MICU1: variants seen among roughly 807,000 people sequenced by gnomAD.
MICU1 encodes the protein mitochondrial calcium uptake 1.
A neutral mutation model predicts 56.8 loss-of-function variants in MICU1; 45 were observed. The ratio of observed to expected loss-of-function variants is 0.79; its 90% confidence interval spans 0.62 to 1.02. The LOEUF is 1.02. Ranked by LOEUF, MICU1 falls within the 50% of genes least tolerant of loss-of-function variation. The pLI is 0.00. For synonymous variants in MICU1, 186 were observed against 195.1 expected, an observed-to-expected ratio of 0.95 and a Z score of 0.39; for missense variants, 504 against 587.1, an observed-to-expected ratio of 0.86 and a Z score of 1.46.
chr10:72,551,314 C>A lies in MICU1; in HGVS notation c.358G>T (p.Ala120Ser), dbSNP rs1293747409. Residue 120 changes from alanine (A) to serine (S), a missense_variant, in exon 4 of 12, where the codon GCC becomes TCC. Physicochemically the swap from Ala to Ser is moderately conservative, Grantham distance 99 (BLOSUM62 1). Transcript: ENST00000361114. ...KVMEYENRIR[A>S]YSTPDKIFRY... ...AAGATTTTGTCTGGCGTGGAGTAGG[C>A]TCGAATCCTATTCTCATATTCCATC... The A allele has an allele frequency of 6.2e-7, 1 of 1,611,312 alleles. No homozygotes were observed. The highest frequency in any genetic ancestry group is 1.1e-5 in the South Asian group (1 of 90,618).
At chr10:72,432,596 G>A (rs1864576556) in intron 8 of MICU1, among the ~76,000 whole-genome samples, 1 of 152,216 alleles carries the variant, frequency 6.6e-6, no homozygotes, top group South Asian at 2.1e-4. Flanking sequence ...AGACATGGTG[G>A]AAGTTGAAGT....
intron 8 of MICU1, among the ~76,000 whole-genome samples, chr10:72,438,212 T>A (rs1170793806): frequency 6.6e-6 from 1 of 152,090 alleles, no homozygotes; most frequent in African/African-American, 2.4e-5. Context: ...CAGACCACAG[T>A]GCAATCAAAT....
intron 3 of MICU1, among the ~76,000 whole-genome samples, chr10:72,554,514 T>C (rs917880907): frequency 1.3e-5 from 2 of 152,202 alleles, no homozygotes; most frequent in Non-Finnish European, 2.9e-5. Flanking sequence ...GGAAACTTTA[T>C]GGGCTAAATG....
rs1862209563 is a variant in MICU1 at position 72,368,203 on chromosome 10, T to C, written c.1423A>G (p.Lys475Glu). ...CCTCTTGCAGTGTGGGGTTACTGTTTGGGTAAAGCGAAGTCCCAGGCAGTT... is the reference window on the plus strand; with the variant it reads ...CCTCTTGCAGTGTGGGGTTACTGTTCGGGTAAAGCGAAGTCCCAGGCAGTT... ...QETAWDFALP[K>E]Q The change falls in exon 12 of 12, where the codon AAA becomes GAA. Residue 475 changes from lysine (K) to glutamate (E), a missense_variant. Physicochemically the swap from Lys to Glu is moderately conservative, Grantham distance 56 (BLOSUM62 1). Coordinates refer to ENST00000361114, the MANE Select transcript of MICU1 (RefSeq NM_001195518.2). The C allele has an allele frequency of 6.2e-7, 1 of 1,612,350 alleles. No homozygotes were observed. The highest frequency in any genetic ancestry group is 8.5e-7 in the Non-Finnish European group (1 of 1,179,224).
chr10:72,504,281 A>G (rs984668907), intron 6 of MICU1, among the ~76,000 whole-genome samples: 1 of 152,208 alleles, frequency 6.6e-6, no homozygotes, highest in African/African-American at 2.4e-5. Flanking sequence ...AAACAGACAC[A>G]TAGACCAATG....
At chr10:72,458,562 G>A (rs1156529735) in intron 8 of MICU1, among the ~76,000 whole-genome samples, 1 of 152,138 alleles carries the variant, frequency 6.6e-6, no homozygotes, top group East Asian at 1.9e-4. Flanking sequence ...TTTCTGGAAG[G>A]CTTTCAAACT....
chr10:72,492,469 A>T (rs1227180190), intron 6 of MICU1, among the ~76,000 whole-genome samples: 1 of 152,162 alleles, frequency 6.6e-6, no homozygotes, highest in Non-Finnish European at 1.5e-5. Flanking sequence ...GATTATTTTT[A>T]AAATGCATAT....
At chr10:72,499,810 T>C (rs2132323871) in intron 6 of MICU1, among the ~76,000 whole-genome samples, 1 of 152,266 alleles carries the variant, frequency 6.6e-6, no homozygotes, top group Non-Finnish European at 1.5e-5. Context: ...CATCTAAAAC[T>C]TTTATAACAT....
At chr10:72,447,552 T>C (rs1304222716) in intron 8 of MICU1, among the ~76,000 whole-genome samples, 1 of 152,220 alleles carries the variant, frequency 6.6e-6, no homozygotes, top group East Asian at 1.9e-4. Flanking sequence ...AATTATATGT[T>C]AAACTGCTAG....
intron 1 of MICU1, among the ~76,000 whole-genome samples, chr10:72,597,250 A>G (rs1041142919): frequency 1.3e-5 from 2 of 152,214 alleles, no homozygotes; most frequent in Non-Finnish European, 2.9e-5. Context: ...TGCTCACACT[A>G]TTCTCCAAAA....
intron 5 of MICU1, among the ~76,000 whole-genome samples, chr10:72,516,445 C>A (rs565779048): frequency 3.9e-5 from 6 of 152,108 alleles, no homozygotes; most frequent in Non-Finnish European, 8.8e-5. Flanking sequence ...TTAATTGGAT[C>A]CTATTTGTCA....
intron 6 of MICU1, among the ~76,000 whole-genome samples, chr10:72,504,904 T>C (rs1296131929): frequency 6.6e-6 from 1 of 151,966 alleles, no homozygotes; most frequent in Non-Finnish European, 1.5e-5. Context: ...ATCAGAGAAA[T>C]GCAAATCAAA....
intron 10 of MICU1, among the ~76,000 whole-genome samples, chr10:72,389,362 T>C (rs1862994095): frequency 6.6e-6 from 1 of 152,222 alleles, no homozygotes. Context: ...CTGCCATCCT[T>C]GTCCCTCCAG....
At chr10:72,514,973 T>G (rs1243210330) in intron 5 of MICU1, among the ~76,000 whole-genome samples, 1 of 152,214 alleles carries the variant, frequency 6.6e-6, no homozygotes, top group Non-Finnish European at 1.5e-5. Flanking sequence ...TAAATCTTTC[T>G]GACAAATGCT....
At chr10:72,561,246 G>A (rs1840287823) in intron 3 of MICU1, among the ~76,000 whole-genome samples, 1 of 152,194 alleles carries the variant, frequency 6.6e-6, no homozygotes, top group Non-Finnish European at 1.5e-5. Context: ...TGAGCAGAAG[G>A]CAGGAGTAGA....
At chr10:72,512,268 G>A (rs1476522520) in intron 5 of MICU1, among the ~76,000 whole-genome samples, 2 of 151,718 alleles carry the variant, frequency 1.3e-5, no homozygotes, top group African/African-American at 2.4e-5. Flanking sequence ...CCGCCACCAC[G>A]TCTGGCTAAT....
At chr10:72,492,204 T>TG (rs1564899673) in intron 6 of MICU1, among the ~76,000 whole-genome samples, 1 of 152,112 alleles carries the variant, frequency 6.6e-6, no homozygotes, top group Non-Finnish European at 1.5e-5. Context: ...TGGAAGTCTT[T>TG]GGGGGATTTT....
chr10:72,530,335 A>AAAAAAT (rs566758997), intron 5 of MICU1, among the ~76,000 whole-genome samples: 2 of 64,902 alleles, frequency 3.1e-5, no homozygotes, highest in African/African-American at 7.3e-5. Context: ...CTCCATATCA[A>AAAAAAT]AATAATAATA....
At chr10:72,474,088 C>G (rs1589256068) in intron 8 of MICU1, among the ~76,000 whole-genome samples, 2 of 151,616 alleles carry the variant, frequency 1.3e-5, no homozygotes, top group East Asian at 3.9e-4. Flanking sequence ...GAAACTGCGT[C>G]TCTAATAAAA....
Sources: allele counts gnomAD v4.1 joint callset (sites outside exome capture counted in the v4.1 genomes callset), GRCh38; gene constraint gnomAD v4.1.1; transcripts MANE v1.5; gene names NCBI Gene and HGNC (gene_info 2026-07-23, HGNC 2026-07-21).